Variants in NR2F2 observed in about 807,000 individuals in gnomAD.
The protein encoded by NR2F2 is nuclear receptor subfamily 2 group F member 2.
In NR2F2, 2 loss-of-function variants were observed where a neutral mutation model predicts 34.8. The observed-to-expected ratio is 0.06, with a 90% CI of 0.02 to 0.18. The LOEUF is 0.18. Among genes scored for constraint, NR2F2 ranks in the 10% least tolerant of loss-of-function variants. The probability of loss-of-function intolerance (pLI) is 1.00; values close to 1 mark genes in which losing one functional copy is unlikely to be tolerated. For synonymous variants in NR2F2, 274 were observed against 251.8 expected, an observed-to-expected ratio of 1.09 and a Z score of -0.84; for missense variants, 300 against 580.1, an observed-to-expected ratio of 0.52 and a Z score of 4.96.
chr15:96,336,678 T>A (rs1350117037), intron 2 of NR2F2, among the ~76,000 whole-genome samples: 2 of 131,360 alleles, frequency 1.5e-5, no homozygotes, highest in African/African-American at 5.8e-5. Context: ...TAAAGGGGGG[T>A]AGGAGAAAAA....
chr15:96,331,857 CAAACA>C lies in NR2F2; in HGVS notation c.-241_-237del, dbSNP rs1899155049. The C allele has an allele frequency of 9.1e-6, 11 of 1,203,542 alleles. No individual in the cohort carries two copies. The highest frequency in any genetic ancestry group is 4.7e-5 in the African/African-American group (3 of 63,462). 74.6% of individuals were successfully genotyped at this position (1,203,542 alleles called of 1,614,324 possible). On this transcript the variant is annotated 5_prime_UTR_variant, in exon 1 of 3. Transcript: ENST00000394166. ...ACCAACAAAGCTGAGCCGAGAGAAA[CAAACA>C]AAACAAACACACCGGGCCAGACAAG...
At chr15:96,328,127 G>A (rs1005580435), upstream of NR2F2, among the ~76,000 whole-genome samples, 10 of 152,026 alleles carry the variant, frequency 6.6e-5, no homozygotes, top group South Asian at 2.1e-4. Flanking sequence ...TAATTCATAC[G>A]GTGATTTTTT....
chr15:96,333,368 C>A (rs879787593), intron 1 of NR2F2: 181 of 1,001,862 alleles, frequency 1.8e-4, no homozygotes, highest in Admixed American at 4.3e-4. Context: ...AGCCTGGGCC[C>A]GAGCCTCGCC....
intron 2 of NR2F2, among the ~76,000 whole-genome samples, chr15:96,335,792 C>G (rs1386840706): frequency 2.0e-5 from 3 of 152,208 alleles, no homozygotes; most frequent in African/African-American, 7.2e-5. Context: ...ATTAGCTGAA[C>G]AGCTTGCAGC....
Position 96,331,556 on chromosome 15 carries a change from C to G in NR2F2, c.-550C>G. 1 of 1,227,418 alleles carries G rather than the reference C, an allele frequency of 8.1e-7. No homozygotes were observed. Among genetic ancestry groups the G allele is most frequent in the Non-Finnish European group, 1.0e-6 (1 of 986,376 alleles). The allele number at this position is 1,227,418 out of a possible 1,614,324, so 76.0% of individuals were successfully genotyped here. On this transcript the variant is annotated 5_prime_UTR_variant, in exon 1 of 3. Transcript: ENST00000394166. ...GCCTCTCCTCCTCCTCTACCTCCTC[C>G]TTCACCACCACCTCCTCTTCCTCCT... is the stretch of plus-strand genomic sequence containing the variant.
chr15:96,329,873 G>C (rs551213836), upstream of NR2F2, among the ~76,000 whole-genome samples: 1 of 152,008 alleles, frequency 6.6e-6, no homozygotes, highest in African/African-American at 2.4e-5. Flanking sequence ...CTCAGCATCC[G>C]AGATGCTTTA....
upstream of NR2F2, chr15:96,327,507 C>G (rs902330471): frequency 6.6e-6 from 1 of 152,178 alleles, no homozygotes; most frequent in Non-Finnish European, 1.5e-5. Context: ...TTCAGAGGAC[C>G]TAACTCTGAC....
Position 96,339,202 on chromosome 15 carries a change from A to T in NR2F2, c.*1580A>T, listed in dbSNP as rs943159028. 2 of 152,172 alleles carry T rather than the reference A, an allele frequency of 1.3e-5. No individual in the cohort carries two copies. The highest frequency in any genetic ancestry group is 4.8e-5 in the African/African-American group (2 of 41,436). The allele number at this position is 152,172 out of a possible 1,614,324, so 9.4% of individuals were successfully genotyped here. On this transcript the variant is annotated 3_prime_UTR_variant, in exon 3 of 3. Transcript: ENST00000394166. ...AGATCAGTATCTATTTTATGATCAG[A>T]AAAAAATACTCTTTTGTACATTTCT...
chr15:96,328,954 G>T (rs933290125), upstream of NR2F2, among the ~76,000 whole-genome samples: 1 of 152,066 alleles, frequency 6.6e-6, no homozygotes, highest in Non-Finnish European at 1.5e-5. Flanking sequence ...CTGCCTATGT[G>T]TGTAAAGAGA....
chr15:96,336,823 G>T (rs1249290889), intron 2 of NR2F2, among the ~76,000 whole-genome samples: 3 of 152,134 alleles, frequency 2.0e-5, no homozygotes, highest in African/African-American at 7.2e-5. Flanking sequence ...TCAAAGACTG[G>T]AGAAAAATGA....
rs916953938 is a variant in NR2F2, at chr15:96,330,988, C to T, written c.-1118C>T. 5 of 1,212,450 alleles carry T rather than the reference C, an allele frequency of 4.1e-6. No individual in the cohort carries two copies. In the African/African-American group the frequency reaches 7.9e-5, roughly 19 times the overall value. 75.1% of individuals were successfully genotyped at this position (1,212,450 alleles called of 1,614,324 possible). On this transcript the variant is annotated 5_prime_UTR_variant, in exon 1 of 3. Coordinates refer to ENST00000394166, the MANE Select transcript of NR2F2 (RefSeq NM_021005.4). ...GGTGGTGATCTGCCCTCCTCTCTCTCTTTTATCATTTCTCCCCCGCCGCCG... is the reference window on the plus strand; with the variant it reads ...GGTGGTGATCTGCCCTCCTCTCTCTTTTTTATCATTTCTCCCCCGCCGCCG...
At chr15:96,336,976 G>T (rs927635863) in intron 2 of NR2F2, among the ~76,000 whole-genome samples, 1 of 152,048 alleles carries the variant, frequency 6.6e-6, no homozygotes, top group African/African-American at 2.4e-5. Context: ...AGAGAGTGCT[G>T]GTAGTTTTGG....
At chr15:96,330,123 C>T (rs1014004469), upstream of NR2F2, among the ~76,000 whole-genome samples, 16 of 152,216 alleles carry the variant, frequency 1.1e-4, no homozygotes, top group Non-Finnish European at 2.2e-4. Flanking sequence ...CCCTCACTCC[C>T]TATCCCTCTG....
Position 96,334,353 on chromosome 15 carries a change from C to T in NR2F2, c.720C>T (p.Asp240=), listed in dbSNP as rs1451879885. 2.5e-6 allele frequency: 4 copies of T among 1,614,222 alleles called. No homozygotes were observed. The highest frequency in any genetic ancestry group is 3.4e-6 in the Non-Finnish European group (4 of 1,180,044). ...TCTTCCCCGACCTGCAGATCACGGA[C>T]CAGGTGGCCCTGCTTCGCCTCACCT... ...IPFFPDLQIT[D]QVALLRLTWS... is the part of the protein sequence containing the mutation. Residue 240 remains aspartate, a synonymous_variant, in exon 2 of 3, where the codon GAC becomes GAT. Transcript: ENST00000394166.
chr15:96,334,191 G>A lies in NR2F2; in HGVS notation c.558G>A (p.Leu186=), dbSNP rs765458532. The change falls in exon 2 of 3, where the codon TTG becomes TTA. Residue 186 remains leucine (L), a synonymous_variant. Transcript: ENST00000394166. ...SYLSGYISLL[L]RAEPYPTSRF... ...TGTCCGGATATATTTCCCTGCTGTT[G>A]CGCGCGGAGCCCTATCCCACGTCGC... 1 of 1,614,194 alleles carries A rather than the reference G, an allele frequency of 6.2e-7. No individual in the cohort carries two copies. The highest frequency in any genetic ancestry group is 8.5e-7 in the Non-Finnish European group (1 of 1,180,046).
At chr15:96,335,687 A>G (rs1596430009) in intron 2 of NR2F2, among the ~76,000 whole-genome samples, 1 of 152,374 alleles carries the variant, frequency 6.6e-6, no homozygotes, top group East Asian at 1.9e-4. Context: ...GCTTGTTAAC[A>G]GGAAACGAGG....
rs1596424034 is a variant in NR2F2 at position 96,331,787 on chromosome 15, T to C, written c.-319T>C. On this transcript the variant is annotated 5_prime_UTR_variant, in exon 1 of 3. Transcript: ENST00000394166. The stretch of plus-strand genomic sequence containing the variant: ...TTCTCCACGTTCTGCTCCCACTCGC[T>C]CTCCTGTCCCCTTCCCCTCCCCTCC... The C allele has an allele frequency of 1.7e-6, 2 of 1,189,724 alleles. No homozygotes were observed. The highest frequency in any genetic ancestry group is 2.1e-6 in the Non-Finnish European group (2 of 961,880). The allele number at this position is 1,189,724 out of a possible 1,614,324, so 73.7% of individuals were successfully genotyped here.
At position 96,331,875 on chromosome 15, in the gene NR2F2, C is replaced by G. The variant is rs1596424183; in HGVS notation, c.-231C>G. 8.3e-7 allele frequency: 1 copy of G among 1,205,706 alleles called. No individual in the cohort carries two copies. The highest frequency in any genetic ancestry group is 1.0e-6 in the Non-Finnish European group (1 of 971,706). The allele number at this position is 1,205,706 out of a possible 1,614,324, so 74.7% of individuals were successfully genotyped here. Reference sequence around the variant, plus strand: ...AGAGAAACAAACAAAACAAACACACCGGGCCAGACAAGCCATCGACAAAAC... The same window carrying G: ...AGAGAAACAAACAAAACAAACACACGGGGCCAGACAAGCCATCGACAAAAC... On this transcript the variant is annotated 5_prime_UTR_variant, in exon 1 of 3. Coordinates refer to ENST00000394166, the MANE Select transcript of NR2F2 (RefSeq NM_021005.4).
chr15:96,339,596 C>T lies in NR2F2; in HGVS notation c.*1974C>T, dbSNP rs1412734803. 3.9e-5 allele frequency: 6 copies of T among 152,136 alleles called. No individual in the cohort carries two copies. The highest frequency in any genetic ancestry group is 8.8e-5 in the Non-Finnish European group (6 of 68,040). 9.4% of individuals were successfully genotyped at this position (152,136 alleles called of 1,614,324 possible). A position where few individuals can be genotyped will look rare whatever the true frequency, so the allele number is the denominator to read the frequency against. On this transcript the variant is annotated 3_prime_UTR_variant, in exon 3 of 3. Coordinates refer to ENST00000394166, the MANE Select transcript of NR2F2 (RefSeq NM_021005.4). ...TACAATCTGTACTGCTCTTGGGATC[C>T]TTTGTCCTTAGAAGCCAAATTAAGG...
Sources: allele counts gnomAD v4.1 joint callset (sites outside exome capture counted in the v4.1 genomes callset), GRCh38; gene constraint gnomAD v4.1.1; transcripts MANE v1.5; gene names NCBI Gene and HGNC (gene_info 2026-07-23, HGNC 2026-07-21).